Variants in LRRC49 observed in about 807,000 individuals in gnomAD.
LRRC49 encodes leucine-rich repeat-containing protein 49.
LRRC49 carries 50 observed loss-of-function variants against 83.3 expected under a neutral mutation model. The observed-to-expected ratio is 0.60, with a 90% CI of 0.48 to 0.76. The LOEUF is 0.76. Among genes scored for constraint, LRRC49 ranks in the 30% least tolerant of loss-of-function variants. The probability of loss-of-function intolerance (pLI) is 0.00; values close to 1 mark genes in which losing one functional copy is unlikely to be tolerated. For missense variants in LRRC49, 704 were observed against 809.1 expected, an observed-to-expected ratio of 0.87 and a Z score of 1.58; for synonymous variants, 286 against 283.3, an observed-to-expected ratio of 1.01 and a Z score of -0.10.
At chr15:70,888,224 A>C (rs1364569905), upstream of LRRC49, among the ~76,000 whole-genome samples, 1 of 152,182 alleles carries the variant, frequency 6.6e-6, no homozygotes, top group Non-Finnish European at 1.5e-5. Flanking sequence ...CAACATAGTC[A>C]AAATATCCAC....
At chr15:70,958,532 G>T (rs1052444810) in intron 8 of LRRC49, among the ~76,000 whole-genome samples, 1 of 152,162 alleles carries the variant, frequency 6.6e-6, no homozygotes, top group Non-Finnish European at 1.5e-5. Context: ...ACACAACTAT[G>T]GGGGAAGGAG....
At chr15:70,954,903 G>C (rs1414392798) in intron 8 of LRRC49, among the ~76,000 whole-genome samples, 1 of 152,190 alleles carries the variant, frequency 6.6e-6, no homozygotes, top group Non-Finnish European at 1.5e-5. Flanking sequence ...CCAGTGGGCA[G>C]GGCTGTGGGC....
rs936930787 is a variant in LRRC49, at chr15:71,052,696, A to G, written c.*3084A>G. The G allele has an allele frequency of 2.6e-5, 4 of 152,148 alleles. No homozygotes were observed. The highest frequency in any genetic ancestry group is 9.7e-5 in the African/African-American group (4 of 41,436). The allele number at this position is 152,148 out of a possible 1,614,324, so 9.4% of individuals were successfully genotyped here. ...ATACATTCTCATTTAATCTCCTAAC[A>G]CTGCGATATATATATGATAGCAATC... On this transcript the variant is annotated 3_prime_UTR_variant, in exon 16 of 16. Coordinates refer to ENST00000260382, the MANE Select transcript of LRRC49 (RefSeq NM_017691.5).
At chr15:70,919,472 T>C (rs1015595603) in intron 7 of LRRC49, among the ~76,000 whole-genome samples, 2 of 152,288 alleles carry the variant, frequency 1.3e-5, no homozygotes, top group Admixed American at 1.3e-4. Flanking sequence ...CCCTCTTCTG[T>C]TTTGTCATGG....
chr15:70,962,618 A>G (rs921298235), intron 8 of LRRC49, among the ~76,000 whole-genome samples: 4 of 150,514 alleles, frequency 2.7e-5, no homozygotes, highest in African/African-American at 9.8e-5. Flanking sequence ...TCAGAAAAAG[A>G]AAAAAAAAAT....
At chr15:70,937,588 T>C (rs1302713979) in intron 8 of LRRC49, among the ~76,000 whole-genome samples, 1 of 152,172 alleles carries the variant, frequency 6.6e-6, no homozygotes, top group Non-Finnish European at 1.5e-5. Context: ...TAAAAAGATT[T>C]AGAGCATATC....
rs1191017305 is a variant in LRRC49 at position 71,053,503 on chromosome 15, C to T, written c.*3891C>T. On this transcript the variant is annotated 3_prime_UTR_variant, in exon 16 of 16. Coordinates refer to ENST00000260382, the MANE Select transcript of LRRC49 (RefSeq NM_017691.5). ...ATATGTTGAGATGGTTGTTAAATAT[C>T]CAAGTGCAGGTGTTAAGTAGGTGTG... The T allele has an allele frequency of 3.9e-5, 6 of 152,140 alleles. No individual in the cohort carries two copies. Among genetic ancestry groups the T allele is most frequent in the African/African-American group, 1.4e-4 (6 of 41,408 alleles). 9.4% of individuals were successfully genotyped at this position (152,140 alleles called of 1,614,324 possible).
rs2040006772 is a variant in LRRC49, at chr15:71,052,513, T to C, written c.*2901T>C. On this transcript the variant is annotated 3_prime_UTR_variant, in exon 16 of 16. Transcript: ENST00000260382. ...CCTCACTTCCTGAGCTTCATTCCAC[T>C]GAAGGCCTGGCATGTAAGACAGTGC... 6.6e-6 allele frequency: 1 copy of C among 152,150 alleles called. No individual in the cohort carries two copies. The highest frequency in any genetic ancestry group is 1.5e-5 in the Non-Finnish European group (1 of 68,036). The allele number at this position is 152,150 out of a possible 1,614,324, so 9.4% of individuals were successfully genotyped here.
chr15:70,892,106 T>A, upstream of LRRC49: 1 of 1,613,948 alleles, frequency 6.2e-7, no homozygotes, highest in Non-Finnish European at 8.5e-7. Flanking sequence ...GGCAAAGTGG[T>A]CAGAGCAGAT....
intron 7 of LRRC49, among the ~76,000 whole-genome samples, chr15:70,924,900 T>G (rs1481078508): frequency 6.6e-6 from 1 of 152,064 alleles, no homozygotes; most frequent in Non-Finnish European, 1.5e-5. Flanking sequence ...CTTCTGTTAT[T>G]GTCATTAAAA....
chr15:70,903,764 A>G (rs1336633796), intron 4 of LRRC49, among the ~76,000 whole-genome samples: 2 of 152,100 alleles, frequency 1.3e-5, no homozygotes. Context: ...GTCTGCCCCT[A>G]TTATTTTACT....
At chr15:70,891,531 G>T (rs1009223131), upstream of LRRC49, among the ~76,000 whole-genome samples, 1 of 151,450 alleles carries the variant, frequency 6.6e-6, no homozygotes, top group Non-Finnish European at 1.5e-5. Context: ...CTGGAGCAGC[G>T]AGTGAAAGCA....
At chr15:70,944,691 C>T (rs190166761) in intron 8 of LRRC49, among the ~76,000 whole-genome samples, 13 of 152,296 alleles carry the variant, frequency 8.5e-5, no homozygotes, top group Admixed American at 3.9e-4. Context: ...AGGCGTGAGC[C>T]ACTGCGCCCG....
upstream of LRRC49, among the ~76,000 whole-genome samples, chr15:70,889,361 C>A (rs747410738): frequency 4.6e-5 from 7 of 151,754 alleles, no homozygotes; most frequent in Non-Finnish European, 8.8e-5. Context: ...TATGAAATCC[C>A]CCCCCCAAAA....
chr15:70,943,805 C>G (rs1430131583), intron 8 of LRRC49, among the ~76,000 whole-genome samples: 2 of 152,108 alleles, frequency 1.3e-5, no homozygotes, highest in Non-Finnish European at 2.9e-5. Flanking sequence ...AGGTTTTTTT[C>G]TATCTATTGG....
At chr15:70,958,480 C>T (rs1596067318) in intron 8 of LRRC49, among the ~76,000 whole-genome samples, 1 of 152,120 alleles carries the variant, frequency 6.6e-6, no homozygotes. Context: ...AGAAATAAAA[C>T]ATTGCCTTCA....
Position 71,050,363 on chromosome 15 carries a change from ATTG to A in LRRC49, c.*754_*756del, listed in dbSNP as rs1384390793. On this transcript the variant is annotated 3_prime_UTR_variant, in exon 16 of 16. Coordinates refer to ENST00000260382, the MANE Select transcript of LRRC49 (RefSeq NM_017691.5). ...GCTTCTCTGAAAGATGTTTCCTTCC[ATTG>A]TTAGCTCTCAAATGCTCTTTTAATA... 1.3e-5 allele frequency: 2 copies of A among 152,186 alleles called. No homozygotes were observed. Among genetic ancestry groups the A allele is most frequent in the Non-Finnish European group, 2.9e-5 (2 of 68,040 alleles). 9.4% of individuals were successfully genotyped at this position (152,186 alleles called of 1,614,324 possible).
At chr15:71,018,079 G>T (rs766736307) in intron 14 of LRRC49, among the ~76,000 whole-genome samples, 1 of 152,070 alleles carries the variant, frequency 6.6e-6, no homozygotes, top group Non-Finnish European at 1.5e-5. Flanking sequence ...GAGAAAGATT[G>T]AGGTAAATCT....
intron 11 of LRRC49, among the ~76,000 whole-genome samples, chr15:70,997,473 G>T (rs1010030053): frequency 6.6e-6 from 1 of 152,096 alleles, no homozygotes; most frequent in Non-Finnish European, 1.5e-5. Context: ...AATCCTGGCT[G>T]GGAGTGGTGG....
Sources: gnomAD v4.1 joint callset for allele counts (sites outside exome capture counted in the v4.1 genomes callset) on GRCh38, gnomAD v4.1.1 for gene constraint, MANE v1.5 for transcripts, NCBI Gene and HGNC (gene_info 2026-07-23, HGNC 2026-07-21) for gene names.